PDIA4: variants seen among roughly 807,000 people sequenced by gnomAD.
PDIA4 encodes the protein protein disulfide-isomerase A4.
A neutral mutation model predicts 62.1 loss-of-function variants in PDIA4; 33 were observed. The ratio of observed to expected loss-of-function variants is 0.53; its 90% CI spans 0.40 to 0.71. The LOEUF (loss-of-function observed/expected upper bound fraction) is 0.71. Among genes scored for constraint, PDIA4 ranks in the 30% least tolerant of loss-of-function variants. PDIA4 has a pLI of 0.00. For synonymous variants in PDIA4, 341 were observed against 324.1 expected, an observed-to-expected ratio of 1.05 and a Z score of -0.56; for missense variants, 804 against 813.6, an observed-to-expected ratio of 0.99 and a Z score of 0.14.
rs886105340 is a variant in PDIA4 at position 149,005,981 on chromosome 7, C to G, written c.1204G>C (p.Val402Leu). The change falls in exon 8 of 10, where the codon GTG becomes CTG. Residue 402 changes from valine to leucine, a missense_variant. By Grantham distance (32) the Val-to-Leu change is conservative (BLOSUM62 1). Coordinates refer to ENST00000652332, the MANE Select transcript of PDIA4 (RefSeq NM_004911.5). Reference protein sequence around the residue: ...YALPLVGHRKVSNDAKRYTRR... With the variant: ...YALPLVGHRKLSNDAKRYTRR... ...GTGTAGCGCTTAGCATCGTTTGACACCTTGCGGTGGCCAACCAGGGGCAGG... is the reference window on the plus strand; with the variant it reads ...GTGTAGCGCTTAGCATCGTTTGACAGCTTGCGGTGGCCAACCAGGGGCAGG... 6.5e-7 allele frequency: 1 copy of G among 1,546,244 alleles called. No homozygotes were observed. Among genetic ancestry groups the G allele is most frequent in the Admixed American group, 2.3e-5 (1 of 44,358 alleles).
Position 149,019,149 on chromosome 7 carries a change from G to A in PDIA4, c.318C>T (p.Asn106=), listed in dbSNP as rs1824253534. The A allele has an allele frequency of 1.9e-6, 3 of 1,613,832 alleles. No homozygotes were observed. The highest frequency in any genetic ancestry group is 2.5e-6 in the Non-Finnish European group (3 of 1,179,938). Residue 106 remains asparagine, a synonymous_variant, in exon 3 of 10, where the codon AAC becomes AAT. Transcript: ENST00000652332. Reference sequence around the variant, plus strand: ...TGGGAGGATCTTTATCCTTTAATATGTTGGCAATTTTTTCATATTCCGGAG... The same window carrying A: ...TGGGAGGATCTTTATCCTTTAATATATTGGCAATTTTTTCATATTCCGGAG... ...QFAPEYEKIA[N]ILKDKDPPIP...
At position 149,025,886 on chromosome 7, in the gene PDIA4, C is replaced by A. The variant is rs543329476; in HGVS notation, c.88+2435G>T. On this transcript the variant is annotated intron_variant, in intron 1 of 9. Transcript: ENST00000652332. ...ATACCACATAAAAGCAGGCAACAAA[C>A]AGGATCAGAATATTTTCCTTTCCTG... Among the ~76,000 whole-genome samples the A allele has an allele frequency of 2.0e-5, 3 of 152,256 alleles. No homozygotes were observed. In the South Asian group the frequency reaches 6.2e-4, roughly 32 times the overall value.
At chr7:149,004,615 C>T (rs1265939446) in intron 9 of PDIA4, among the ~76,000 whole-genome samples, 1 of 152,240 alleles carries the variant, frequency 6.6e-6, no homozygotes, top group Non-Finnish European at 1.5e-5. Flanking sequence ...ATGTGCTCAG[C>T]CAAGATCAAC....
In PDIA4 at chr7:149,012,260, C is replaced by T. The variant is rs779492257; in HGVS notation, c.715G>A (p.Ala239Thr). 24 of 1,613,954 alleles carry T rather than the reference C, an allele frequency of 1.5e-5. No individual in the cohort carries two copies. The highest frequency in any genetic ancestry group is 6.7e-5 in the East Asian group (3 of 44,892). Reference protein sequence around the residue: ...PIPLAKVDATAETDLAKRFDV... With the variant: ...PIPLAKVDATTETDLAKRFDV... Reference sequence around the variant, plus strand: ...AACCTCTTGGCCAGGTCTGTTTCTGCGGTGGCGTCGACCTTTGCCAGGGGA... The same window carrying T: ...AACCTCTTGGCCAGGTCTGTTTCTGTGGTGGCGTCGACCTTTGCCAGGGGA... Residue 239 changes from alanine (A) to threonine (T), a missense_variant, in exon 5 of 10, where the codon GCA becomes ACA. Ala to Thr is a moderately conservative substitution (Grantham distance 58). Transcript: ENST00000652332.
chr7:149,012,414 C>T, intron 4 of PDIA4, 54 bp from the exon 5 acceptor site: 3 of 1,482,328 alleles, frequency 2.0e-6, no homozygotes, highest in South Asian at 1.1e-5. Flanking sequence ...GACTCACTTT[C>T]TAGCTAAATG....
In PDIA4 at chr7:149,028,489, T is replaced by C. The variant is rs1012594291; in HGVS notation, c.-81A>G. 3.0e-5 allele frequency: 30 copies of C among 999,106 alleles called. No homozygotes were observed. The highest frequency in any genetic ancestry group is 4.0e-5 in the Non-Finnish European group (29 of 720,442). 61.9% of individuals were successfully genotyped at this position (999,106 alleles called of 1,614,324 possible). On this transcript the variant is annotated 5_prime_UTR_variant, in exon 1 of 10. Coordinates refer to ENST00000652332, the MANE Select transcript of PDIA4 (RefSeq NM_004911.5). ...AACTCGGGGTCTGGCCGACAGCCCG[T>C]CGCTCCTTAGCGACGCGGGGGAGCC...
intron 1 of PDIA4, among the ~76,000 whole-genome samples, chr7:149,027,418 C>T (rs1223407422): frequency 6.6e-6 from 1 of 152,146 alleles, no homozygotes. Flanking sequence ...TTCACGATTT[C>T]CCTACACACT....
At chr7:149,026,470 G>GTT (rs1824561186) in intron 1 of PDIA4, among the ~76,000 whole-genome samples, 1 of 152,186 alleles carries the variant, frequency 6.6e-6, no homozygotes, top group Admixed American at 6.5e-5. Flanking sequence ...TTAACACGGT[G>GTT]AAACCCCGTC....
Position 149,011,927 on chromosome 7 carries a change from G to C in PDIA4, c.898C>G (p.Leu300Val). 1 of 1,610,286 alleles carries C rather than the reference G, an allele frequency of 6.2e-7. No individual in the cohort carries two copies. Among genetic ancestry groups the C allele is most frequent in the Non-Finnish European group, 8.5e-7 (1 of 1,177,938 alleles). ...ATGATGACATCGTCTCCATCCTTCA[G>C]GAACTCCTGGACCTGCTTCAGGGTC... Reference protein sequence around the residue: ...ILTLKQVQEFLKDGDDVIIIG... With the variant: ...ILTLKQVQEFVKDGDDVIIIG... The change falls in exon 6 of 10, where the codon CTG becomes GTG. Residue 300 changes from leucine to valine, a missense_variant. By Grantham distance (32) the Leu-to-Val change is conservative (BLOSUM62 1). Transcript: ENST00000652332.
Position 149,003,697 on chromosome 7 carries a change from G to C in PDIA4, c.*97C>G. 1 of 739,012 alleles carries C rather than the reference G, an allele frequency of 1.4e-6. No homozygotes were observed. The highest frequency in any genetic ancestry group is 2.1e-6 in the Non-Finnish European group (1 of 485,654). 45.8% of individuals were successfully genotyped at this position (739,012 alleles called of 1,614,324 possible). On this transcript the variant is annotated 3_prime_UTR_variant, in exon 10 of 10. Transcript: ENST00000652332. ...ATTAAAAAAAAAAAAAAAGGAATCCGAGATACTGTCGTTTGTTGCCGGCCT... is the reference window on the plus strand; with the variant it reads ...ATTAAAAAAAAAAAAAAAGGAATCCCAGATACTGTCGTTTGTTGCCGGCCT...
chr7:149,005,110 T>G, intron 9 of PDIA4, 31 bp downstream of exon 9: 6 of 1,544,924 alleles, frequency 3.9e-6, no homozygotes, highest in Non-Finnish European at 5.4e-6. Context: ...CAGCAGCTGA[T>G]GGGAGACCCC....
chr7:149,028,072 C>A, intron 1 of PDIA4: 1 of 629,070 alleles, frequency 1.6e-6, no homozygotes, highest in Admixed American at 2.4e-5. Flanking sequence ...AGGGGTCTTC[C>A]AGGGCGTCGG....
intron 2 of PDIA4, 44 bp from the exon 3 acceptor site, chr7:149,019,241 A>G: frequency 7.4e-7 from 1 of 1,347,556 alleles, no homozygotes; most frequent in South Asian, 1.2e-5. Flanking sequence ...AACTGTACCT[A>G]TGGGATTTAA....
At chr7:149,025,167 A>G (rs1237634419) in intron 1 of PDIA4, among the ~76,000 whole-genome samples, 3 of 151,480 alleles carry the variant, frequency 2.0e-5, no homozygotes, top group African/African-American at 4.9e-5. Flanking sequence ...GCATGAGACA[A>G]ATGAATTCCC....
chr7:149,024,207 A>G (rs984565887), intron 1 of PDIA4, among the ~76,000 whole-genome samples: 6 of 152,290 alleles, frequency 3.9e-5, no homozygotes, highest in Admixed American at 3.9e-4. Flanking sequence ...AGATCACACC[A>G]TTGCACCCCA....
In PDIA4 at chr7:149,021,056, T is replaced by G; in HGVS notation, c.180A>C (p.Glu60Asp). 1 of 1,614,164 alleles carries G rather than the reference T, an allele frequency of 6.2e-7. No individual in the cohort carries two copies. The highest frequency in any genetic ancestry group is 8.5e-7 in the Non-Finnish European group (1 of 1,180,002). Residue 60 changes from glutamate to aspartate, a missense_variant, in exon 2 of 10, where the codon GAA (glutamate) becomes GAC (aspartate). Coordinates refer to ENST00000652332, the MANE Select transcript of PDIA4 (RefSeq NM_004911.5). ...CATTTAGGACCAAGACTCCATTTTC[T>G]TCCTTAACTTCCAAGTCGTCTTCTT... The part of the protein sequence containing the change: ...DEEEDDLEVK[E>D]ENGVLVLNDA...
At chr7:149,019,339 G>A (rs1393862513) in intron 2 of PDIA4, 142 bp from the exon 3 acceptor site, 4 of 673,646 alleles carry the variant, frequency 5.9e-6, no homozygotes, top group Non-Finnish European at 1.1e-5. Flanking sequence ...GGCAGTGTTG[G>A]GAGATGGGAC....
chr7:149,012,362 T>C lies in PDIA4; in HGVS notation c.615-2A>G, dbSNP rs773084572. The C allele has an allele frequency of 2.5e-6, 4 of 1,612,310 alleles. No homozygotes were observed. The East Asian group carries it at 6.7e-5, about 27-fold the overall frequency. On this transcript the variant is annotated splice_acceptor_variant, in intron 4 of 9. Coordinates refer to ENST00000652332, the MANE Select transcript of PDIA4 (RefSeq NM_004911.5). LOFTEE classifies it high-confidence loss of function. ...GCAAGTTTCTTGCAGTGTCCACACCTGCCAAGAGGAAACTGGTTTGTCAGG... is the reference window on the plus strand; with the variant it reads ...GCAAGTTTCTTGCAGTGTCCACACCCGCCAAGAGGAAACTGGTTTGTCAGG...
Position 149,004,001 on chromosome 7 carries a change from GC to G in PDIA4, c.1730del (p.Gly577AlafsTer51). ...SLAKKYKGQK[G>X]LVIAKMDATA... ...TGGCGTCCATCTTGGCGATGACCAG[GC>G]CCTTTTGGCCCTTGTACTTCTTGGC... On this transcript the variant is annotated frameshift_variant, in exon 10 of 10. Transcript: ENST00000652332. LOFTEE classifies it high-confidence loss of function. 1.2e-6 allele frequency: 2 copies of G among 1,614,018 alleles called. No homozygotes were observed. The highest frequency in any genetic ancestry group is 1.7e-6 in the Non-Finnish European group (2 of 1,179,878).
Sources: gnomAD v4.1 joint callset for allele counts (sites outside exome capture counted in the v4.1 genomes callset) on GRCh38, gnomAD v4.1.1 for gene constraint, MANE v1.5 for transcripts, NCBI Gene and HGNC (gene_info 2026-07-23, HGNC 2026-07-21) for gene names.